The following RYR3 variants were observed in gnomAD, a reference collection of about 807,000 sequenced individuals.
RYR3 encodes brain ryanodine receptor-calcium release channel.
RYR3 carries 207 observed loss-of-function variants against 584.3 expected under a neutral mutation model. The ratio of observed to expected loss-of-function variants is 0.35; its 90% CI spans 0.32 to 0.40. RYR3 has a LOEUF of 0.40. Among genes scored for constraint, RYR3 ranks in the 10% least tolerant of loss-of-function variants. The pLI is 1.00. For missense variants in RYR3, 5,616 were observed against 6,089.2 expected (o/e 0.92, Z 2.59); for synonymous variants, 2,416 against 2,248.5 (o/e 1.07, Z -2.11).
chr15:33,804,475 C>T (rs764431115), intron 69 of RYR3, among the ~76,000 whole-genome samples: 16 of 152,160 alleles, frequency 1.1e-4, no homozygotes, highest in Non-Finnish European at 1.8e-4. Flanking sequence ...CCTCTGGGTC[C>T]CATTTACCAA....
chr15:33,682,846 G>A (rs1475956040), intron 38 of RYR3, among the ~76,000 whole-genome samples: 1 of 152,152 alleles, frequency 6.6e-6, no homozygotes, highest in African/African-American at 2.4e-5. Flanking sequence ...ACTATGTGTG[G>A]TGGTTCTGAG....
intron 48 of RYR3, among the ~76,000 whole-genome samples, chr15:33,732,177 C>T (rs1163535930): frequency 6.6e-6 from 1 of 151,118 alleles, no homozygotes; most frequent in African/African-American, 2.4e-5. Flanking sequence ...GTCAGGAGAT[C>T]GAGACCATCC....
At chr15:33,370,462 G>T (rs976063676) in intron 1 of RYR3, among the ~76,000 whole-genome samples, 3 of 152,176 alleles carry the variant, frequency 2.0e-5, no homozygotes, top group Admixed American at 6.5e-5. Flanking sequence ...AGAGCAGCTG[G>T]CAAGCTATGC....
At chr15:33,658,269 G>A (rs2062938932) in intron 32 of RYR3, among the ~76,000 whole-genome samples, 1 of 152,186 alleles carries the variant, frequency 6.6e-6, no homozygotes, top group East Asian at 1.9e-4. Context: ...TTGTAGAACT[G>A]AGGTCCTGTT....
Position 33,644,686 on chromosome 15 carries a change from T to C in RYR3, c.3765+167T>C, listed in dbSNP as rs142792637. Among the ~76,000 whole-genome samples, 366 of 152,302 alleles carry C rather than the reference T, an allele frequency of 2.4e-3. 2 individuals are homozygous for C. Among genetic ancestry groups the C allele is most frequent in the African/African-American group, 8.5e-3 (353 of 41,576 alleles). ...GAGCTGCAGTTGCAGGCATCTTAAT[T>C]GGGACAGCTCAGTGGCATCTTACGA... On this transcript the variant is annotated intron_variant, in intron 28 of 103. Coordinates refer to ENST00000634891, the MANE Select transcript of RYR3 (RefSeq NM_001036.6).
chr15:33,579,862 A>G (rs536326558), intron 12 of RYR3, 114 bp from the exon 13 acceptor site: 271 of 648,334 alleles, frequency 4.2e-4, no homozygotes, highest in Non-Finnish European at 4.1e-4. Context: ...TGGCCGCCCA[A>G]GGAAGCAACT....
At chr15:33,830,677 C>A in intron 85 of RYR3, 1 of 244,976 alleles carries the variant, frequency 4.1e-6, no homozygotes, top group East Asian at 9.2e-5. Flanking sequence ...GGATAATTAC[C>A]ATTATCTTCA....
chr15:33,516,202 A>G (rs958317061), intron 3 of RYR3, among the ~76,000 whole-genome samples: 10 of 151,970 alleles, frequency 6.6e-5, no homozygotes, highest in Non-Finnish European at 1.2e-4. Flanking sequence ...AGCTTCCCCC[A>G]TGTTTTATTC....
intron 60 of RYR3, among the ~76,000 whole-genome samples, chr15:33,761,848 G>A (rs183458765): frequency 4.6e-4 from 70 of 152,176 alleles, no homozygotes; most frequent in Middle Eastern, 6.8e-3. Flanking sequence ...ACATCGATGC[G>A]AAAATCCTCA....
At chr15:33,750,431 CT>C in intron 57 of RYR3, 145 bp downstream of exon 57, 5 of 775,832 alleles carry the variant, frequency 6.4e-6, no homozygotes, top group East Asian at 2.8e-5. Flanking sequence ...ATGAAGCCCT[CT>C]TTTTTTGATA....
At chr15:33,678,323 T>C (rs766814949) in intron 38 of RYR3, among the ~76,000 whole-genome samples, 33 of 152,138 alleles carry the variant, frequency 2.2e-4, no homozygotes, top group Non-Finnish European at 3.7e-4. Context: ...ATAATAGAGT[T>C]CCCACAAGAT....
rs1002484041 is a variant in RYR3 at position 33,311,776 on chromosome 15, A to G, written c.51+680A>G. ...CTGGCTCCCGCGAGCCCCGCAGGAC[A>G]GGGAAACCCCAGTCAGTGGCTCCGC... On this transcript the variant is annotated intron_variant, in intron 1 of 103. Coordinates refer to ENST00000634891, the MANE Select transcript of RYR3 (RefSeq NM_001036.6). This position sits in a 1 kb window ranked among gnomAD's most constrained non-coding sequence, Gnocchi z 4.4. Among the ~76,000 whole-genome samples the G allele has an allele frequency of 6.6e-6, 1 of 152,212 alleles. No homozygotes were observed. The highest frequency in any genetic ancestry group is 2.4e-5 in the African/African-American group (1 of 41,472).
At chr15:33,689,208 A>G (rs1028687333) in intron 38 of RYR3, among the ~76,000 whole-genome samples, 5 of 39,178 alleles carry the variant, frequency 1.3e-4, no homozygotes, top group African/African-American at 4.9e-4. Flanking sequence ...AACATCACAC[A>G]CCGGGGCCTG....
chr15:33,631,222 C>T lies in RYR3; in HGVS notation c.2796C>T (p.Ala932=). 6.3e-7 allele frequency: 1 copy of T among 1,585,356 alleles called. No individual in the cohort carries two copies. Among genetic ancestry groups the T allele is most frequent in the Non-Finnish European group, 8.6e-7 (1 of 1,164,242 alleles). The part of the protein sequence containing the change: ...MSTETLKTLL[A]LGCHIAHVNP... Reference sequence around the variant, plus strand: ...TGTTGTGTCACAGAACCCTCTTGGCCCTGGGGTGCCACATTGCTCATGTTA... The same window carrying T: ...TGTTGTGTCACAGAACCCTCTTGGCTCTGGGGTGCCACATTGCTCATGTTA... The change falls in exon 23 of 104, where the codon GCC becomes GCT. Residue 932 remains alanine (A), a synonymous_variant. Transcript: ENST00000634891.
intron 1 of RYR3, among the ~76,000 whole-genome samples, chr15:33,427,344 T>G (rs549931437): frequency 6.6e-6 from 1 of 152,188 alleles, no homozygotes; most frequent in Non-Finnish European, 1.5e-5. Context: ...TGCAATAGTG[T>G]GCACCTATAG....
At position 33,311,868 on chromosome 15, in the gene RYR3, G is replaced by A. The variant is rs1290820921; in HGVS notation, c.51+772G>A. On this transcript the variant is annotated intron_variant, in intron 1 of 103. Coordinates refer to ENST00000634891, the MANE Select transcript of RYR3 (RefSeq NM_001036.6). This position sits in a 1 kb window ranked among gnomAD's most constrained non-coding sequence, Gnocchi z 4.4. Reference sequence around the variant, plus strand: ...GTCCCAGATTTGGGGGTGAGGGGGCGAAGTCTGTTGCAGCCACACCAGCCT... The same window carrying A: ...GTCCCAGATTTGGGGGTGAGGGGGCAAAGTCTGTTGCAGCCACACCAGCCT... Among the ~76,000 whole-genome samples the A allele has an allele frequency of 1.3e-5, 2 of 152,312 alleles. No homozygotes were observed. Among genetic ancestry groups the A allele is most frequent in the Admixed American group, 6.5e-5 (1 of 15,302 alleles).
At chr15:33,559,746 G>A (rs8025449) in intron 10 of RYR3, among the ~76,000 whole-genome samples, 27,651 of 152,096 alleles carry the variant, frequency 0.18, 4,298 homozygotes, top group African/African-American at 0.43. Context: ...GCCCTTTGCT[G>A]CCTCTAACAA....
At chr15:33,496,386 G>A (rs2051426911) in intron 2 of RYR3, among the ~76,000 whole-genome samples, 3 of 152,102 alleles carry the variant, frequency 2.0e-5, no homozygotes, top group Non-Finnish European at 2.9e-5. Flanking sequence ...ATTCCTGAAC[G>A]AGGCAGTCTC....
intron 3 of RYR3, among the ~76,000 whole-genome samples, chr15:33,517,905 G>GAATTTATAT (rs1272633886): frequency 1.2e-4 from 18 of 152,170 alleles, no homozygotes; most frequent in Non-Finnish European, 1.6e-4. Context: ...ATAATAGAAT[G>GAATTTATAT]AGACTTTATT....
Sources: gnomAD v4.1 joint callset for allele counts (sites outside exome capture counted in the v4.1 genomes callset) on GRCh38, gnomAD v4.1.1 for gene constraint, Gnocchi (gnomAD v3.1) non-coding constraint, MANE v1.5 for transcripts, NCBI Gene and HGNC (gene_info 2026-07-23, HGNC 2026-07-21) for gene names.